The following CDC42BPG variants were observed in gnomAD, a reference collection of about 807,000 sequenced individuals.
CDC42BPG encodes the protein CDC42 binding protein kinase gamma, also known as serine/threonine-protein kinase MRCK gamma.
CDC42BPG carries 157 observed loss-of-function variants against 192.2 expected under a neutral mutation model. That is an observed-to-expected ratio of 0.82 (90% CI 0.72 to 0.93). The LOEUF (loss-of-function observed/expected upper bound fraction) is 0.93, where lower values mean the gene tolerates loss of function less well. Among genes scored for constraint, CDC42BPG ranks in the 40% least tolerant of loss-of-function variants. The pLI, the probability that CDC42BPG is intolerant of heterozygous loss-of-function variation, is 0.00. For synonymous variants in CDC42BPG, 981 were observed against 918.5 expected (o/e 1.07, Z -1.23); for missense variants, 1,992 against 2,122.1 (o/e 0.94, Z 1.20).
At position 64,834,512 on chromosome 11, in the gene CDC42BPG, T is replaced by C. The variant is rs1245655205; in HGVS notation, c.2241A>G (p.Ser747=). ...MEASARLELQ[S]ALEAEIRAKQ... is the part of the protein sequence containing the mutation. ...TGGCGCGGATCTCGGCCTCCAGCGC[T>C]GACTGCAGCTCCAGCCTGGCCGAGG... The change falls in exon 19 of 37, where the codon TCA becomes TCG. Residue 747 remains serine, a synonymous_variant. Coordinates refer to ENST00000342711, the MANE Select transcript of CDC42BPG (RefSeq NM_017525.3). 13 of 1,580,510 alleles carry C rather than the reference T, an allele frequency of 8.2e-6. No individual in the cohort carries two copies. The highest frequency in any genetic ancestry group is 5.2e-6 in the Non-Finnish European group (6 of 1,162,652).
intron 29 of CDC42BPG, 61 bp downstream of exon 29, chr11:64,830,133 C>T (rs1942617826): frequency 2.5e-6 from 4 of 1,611,588 alleles, no homozygotes; most frequent in Non-Finnish European, 3.4e-6. Context: ...CATCCCCATC[C>T]TCCTCTGCCC....
chr11:64,838,833 G>C lies in CDC42BPG; in HGVS notation c.946C>G (p.Leu316Val), dbSNP rs1187375591. The C allele has an allele frequency of 6.2e-7, 1 of 1,612,636 alleles. No individual in the cohort carries two copies. Among genetic ancestry groups the C allele is most frequent in the South Asian group, 1.1e-5 (1 of 91,080 alleles). The change falls in exon 8 of 37, where the codon CTG becomes GTG. Residue 316 changes from leucine (L) to valine (V), a missense_variant. This residue lies in a region of CDC42BPG where 1,656 missense variants were observed against 1,844.3 expected (regional missense o/e 0.90). Transcript: ENST00000342711. ...CCTAGCCGCTCTTCCTGGCGACACAGCAGCTGGCGGATCAGGTCTTGGGCG... is the reference window on the plus strand; with the variant it reads ...CCTAGCCGCTCTTCCTGGCGACACACCAGCTGGCGGATCAGGTCTTGGGCG... ...ASAQDLIRQL[L>V]CRQEERLGRG...
chr11:64,841,966 C>T, intron 1 of CDC42BPG, 62 bp from the exon 2 acceptor site: 1 of 1,367,428 alleles, frequency 7.3e-7, no homozygotes, highest in Non-Finnish European at 1.0e-6. Flanking sequence ...CCCCTCTCAC[C>T]TTGGGCAAGC....
In CDC42BPG at chr11:64,838,120, G is replaced by T; in HGVS notation, c.1168C>A (p.His390Asn). ...TAGGTGAAGCCCACGAATGGCAGGTGATGGCCGGAGAAGGCCCCGTGGGAG... is the reference window on the plus strand; with the variant it reads ...TAGGTGAAGCCCACGAATGGCAGGTTATGGCCGGAGAAGGCCCCGTGGGAG... ...PPSHGAFSGH[H>N]LPFVGFTYTS... Residue 390 changes from histidine to asparagine, a missense_variant, in exon 9 of 37, where the codon CAC becomes AAC. By Grantham distance (68) the His-to-Asn change is moderately conservative. Transcript: ENST00000342711. The T allele has an allele frequency of 3.2e-6, 5 of 1,553,568 alleles. No individual in the cohort carries two copies. The highest frequency in any genetic ancestry group is 3.5e-6 in the Non-Finnish European group (4 of 1,148,932).
Position 64,836,508 on chromosome 11 carries a change from T to C in CDC42BPG, c.1407A>G (p.Ser469=). ...CTGGGGGCCCATCCGTCTGGGACAA[T>C]GAGGCCTTGTCCCTCAGCATCTCTG... ...RLPEMLRDKA[S]LSQTDGPPAG... is the part of the protein sequence containing the mutation. Residue 469 remains serine (S), a synonymous_variant, in exon 12 of 37, where the codon TCA becomes TCG. Coordinates refer to ENST00000342711, the MANE Select transcript of CDC42BPG (RefSeq NM_017525.3). 1 of 1,613,212 alleles carries C rather than the reference T, an allele frequency of 6.2e-7. No homozygotes were observed. The highest frequency in any genetic ancestry group is 1.6e-4 in the Middle Eastern group (1 of 6,062).
At position 64,836,722 on chromosome 11, in the gene CDC42BPG, G is replaced by GGGGGGGGGT; in HGVS notation, c.1384+16_1384+17insACCCCCCCC. ...ACTCAGCCCTGGGGGGGGGGGGGGG[G>GGGGGGGGGT]TGGGCGGAAGGGATACCTGGCAGCC... On this transcript the variant is annotated intron_variant, in intron 11 of 36. Transcript: ENST00000342711. 2.3e-6 allele frequency: 2 copies of GGGGGGGGGT among 859,762 alleles called. No individual in the cohort carries two copies. The highest frequency in any genetic ancestry group is 1.8e-5 in the South Asian group (1 of 54,598). The allele number at this position is 859,762 out of a possible 1,614,324, so 53.3% of individuals were successfully genotyped here.
At chr11:64,837,555 C>T (rs1030817189) in intron 9 of CDC42BPG, among the ~76,000 whole-genome samples, 6 of 152,230 alleles carry the variant, frequency 3.9e-5, no homozygotes, top group Non-Finnish European at 7.3e-5. Flanking sequence ...CCGCCTCCCG[C>T]GTTCAAGCGA....
rs1171084069 is a variant in CDC42BPG, at chr11:64,838,636, G to A, written c.1125+18C>T. ...GGGGTAGGGCAGCTCCCCTCCTGCA[G>A]TGGCCTTTGCCACTCACTGGATGGT... On this transcript the variant is annotated intron_variant, in intron 8 of 36. Coordinates refer to ENST00000342711, the MANE Select transcript of CDC42BPG (RefSeq NM_017525.3). 5.0e-6 allele frequency: 8 copies of A among 1,610,196 alleles called. No homozygotes were observed. The South Asian group carries it at 6.6e-5, about 13-fold the overall frequency.
Position 64,829,999 on chromosome 11 carries a change from C to T in CDC42BPG, c.3439G>A (p.Val1147Met), listed in dbSNP as rs757792832. The T allele has an allele frequency of 2.5e-6, 4 of 1,612,440 alleles. No homozygotes were observed. The highest frequency in any genetic ancestry group is 1.1e-5 in the South Asian group (1 of 91,078). Residue 1147 changes from valine to methionine, a missense_variant, in exon 30 of 37, where the codon GTG (valine) becomes ATG (methionine). Physicochemically the swap from Val to Met is conservative, Grantham distance 21 (BLOSUM62 1). Transcript: ENST00000342711. ...ACGCTGGGGCCGCGGCCACACAGCA[C>T]GACCAGCAGGCCTGCACTGGGGCTC... is the stretch of plus-strand genomic sequence containing the variant. ...TLSPSAGLLV[V>M]LCGRGPSVRL...
chr11:64,825,261 C>T (rs1640380584), intron 36 of CDC42BPG, among the ~76,000 whole-genome samples: 1 of 152,116 alleles, frequency 6.6e-6, no homozygotes, highest in South Asian at 2.1e-4. Context: ...TTCAGTCGAC[C>T]ACATGCTTTA....
chr11:64,830,561 CGAGGAAGT>C (rs1942638218), intron 28 of CDC42BPG: 2 of 483,914 alleles, frequency 4.1e-6, no homozygotes, highest in East Asian at 7.7e-5. Context: ...TCTGAGGAAG[CGAGGAAGT>C]GATGCAGGGG....
chr11:64,833,702 G>A (rs1565681602), intron 22 of CDC42BPG, 36 bp downstream of exon 22: 1 of 1,613,344 alleles, frequency 6.2e-7, no homozygotes, highest in Non-Finnish European at 8.5e-7. Context: ...CAAGGGCGGG[G>A]CCCAGGCCCC....
intron 29 of CDC42BPG, 30 bp downstream of exon 29, chr11:64,830,164 C>T (rs754247768): frequency 1.6e-5 from 26 of 1,613,206 alleles, no homozygotes; most frequent in East Asian, 2.2e-5. Flanking sequence ...CCCCTGCCCA[C>T]GCCCACCCTA....
intron 1 of CDC42BPG, among the ~76,000 whole-genome samples, chr11:64,843,594 C>T (rs1044367545): frequency 5.9e-5 from 9 of 152,232 alleles, no homozygotes; most frequent in African/African-American, 1.9e-4. Flanking sequence ...GGCCAGGCCC[C>T]CGTGCCTTTT....
At chr11:64,826,065 T>TG (rs1942401473) in intron 36 of CDC42BPG, among the ~76,000 whole-genome samples, 1 of 10,736 alleles carries the variant, frequency 9.3e-5, no homozygotes, top group Non-Finnish European at 2.1e-4. Flanking sequence ...AGACTCCATC[T>TG]GGAAAAAAAA....
Position 64,827,304 on chromosome 11 carries a change from C to T in CDC42BPG, c.4245G>A (p.Ser1415=), listed in dbSNP as rs767963653. ...TGCGCTGCTGCTTCTGCTGCTCCTCCGACACGCGGAAAAAGAAGCGGCGCT... is the reference window on the plus strand; with the variant it reads ...TGCGCTGCTGCTTCTGCTGCTCCTCTGACACGCGGAAAAAGAAGCGGCGCT... ...KSKRRFFFRV[S]EEQQKQQRRE... Residue 1415 remains serine, a synonymous_variant, in exon 33 of 37, where the codon TCG becomes TCA. Transcript: ENST00000342711. The T allele has an allele frequency of 3.7e-6, 6 of 1,613,836 alleles. No homozygotes were observed. Among genetic ancestry groups the T allele is most frequent in the South Asian group, 3.3e-5 (3 of 91,084 alleles).
intron 18 of CDC42BPG, 89 bp from the exon 19 acceptor site, chr11:64,834,666 C>T (rs570303403): frequency 1.4e-6 from 2 of 1,441,660 alleles, no homozygotes; most frequent in South Asian, 1.4e-5. Context: ...GCTACCCATG[C>T]CACCCAGCCA....
rs1446342018 is a variant in CDC42BPG, at chr11:64,823,150, G to A, written c.*1323C>T. Among the ~76,000 whole-genome samples, 28 of 149,756 alleles carry A rather than the reference G, an allele frequency of 1.9e-4. No individual in the cohort carries two copies. Among genetic ancestry groups the A allele is most frequent in the Non-Finnish European group, 3.0e-4 (20 of 67,478 alleles). On this transcript the variant is annotated 3_prime_UTR_variant, in exon 37 of 37. Coordinates refer to ENST00000342711, the MANE Select transcript of CDC42BPG (RefSeq NM_017525.3). ...CACCCAGGCTGGAGTGCAGTGGCGC[G>A]ATCTCGGCTCACTGCAAGCTCCGCC...
chr11:64,827,079 C>G lies in CDC42BPG; in HGVS notation c.4360G>C (p.Gly1454Arg). 6.2e-7 allele frequency: 1 copy of G among 1,613,524 alleles called. No homozygotes were observed. The highest frequency in any genetic ancestry group is 8.5e-7 in the Non-Finnish European group (1 of 1,179,476). ...GACTTGTCCCTGGCGCCGGGCCGCCCGTTGGCAGGGCCCACGTGTACTAGG... is the reference window on the plus strand; with the variant it reads ...GACTTGTCCCTGGCGCCGGGCCGCCGGTTGGCAGGGCCCACGTGTACTAGG... Reference protein sequence around the residue: ...NHLVHVGPANGRPGARDKSPA... With the variant: ...NHLVHVGPANRRPGARDKSPA... Residue 1454 changes from glycine (G) to arginine (R), a missense_variant, in exon 34 of 37, where the codon GGG (glycine) becomes CGG (arginine). Coordinates refer to ENST00000342711, the MANE Select transcript of CDC42BPG (RefSeq NM_017525.3).
Sources: gnomAD v4.1 joint callset for allele counts (sites outside exome capture counted in the v4.1 genomes callset) on GRCh38, gnomAD v4.1.1 for gene constraint, gnomAD v4.1.1 regional missense constraint, MANE v1.5 for transcripts, NCBI Gene and HGNC (gene_info 2026-07-23, HGNC 2026-07-21) for gene names.